MRPL50: variants seen among roughly 807,000 people sequenced by gnomAD.
The protein encoded by MRPL50 is mitochondrial ribosomal protein L50.
MRPL50 carries 10 observed loss-of-function variants against 16.2 expected under a neutral mutation model. The ratio of observed to expected loss-of-function variants is 0.62; its 90% confidence interval spans 0.38 to 1.05. The LOEUF (loss-of-function observed/expected upper bound fraction) is 1.05, where lower values mean the gene tolerates loss of function less well. Among genes scored for constraint, MRPL50 ranks in the 50% least tolerant of loss-of-function variants. The pLI, the probability that MRPL50 is intolerant of heterozygous loss-of-function variation, is 0.01. For missense variants in MRPL50, 213 were observed against 187.1 expected (o/e 1.14, Z -0.81); for synonymous variants, 68 against 66.8 (o/e 1.02, Z -0.09).
rs1250405729 is a variant in MRPL50, at chr9:101,390,503, T to G, written c.440A>C (p.Asn147Thr). 6.2e-7 allele frequency: 1 copy of G among 1,612,142 alleles called. No individual in the cohort carries two copies. The highest frequency in any genetic ancestry group is 2.2e-5 in the East Asian group (1 of 44,866). ...RSKFDELSAS[N>T]LPPNLKITWS... ...AGTGATTTTCAAATTGGGGGGCAGA[T>G]TACTGGCACTGAGTTCATCAAATTT... Residue 147 changes from asparagine (N) to threonine (T), a missense_variant, in exon 2 of 2, where the codon AAT becomes ACT. Asn to Thr is a moderately conservative substitution (Grantham distance 65, BLOSUM62 0). Transcript: ENST00000374865.
chr9:101,392,994 A>G (rs1266260097), intron 1 of MRPL50, among the ~76,000 whole-genome samples: 4 of 152,210 alleles, frequency 2.6e-5, no homozygotes, highest in Non-Finnish European at 4.4e-5. Flanking sequence ...ACACATTAAA[A>G]TGATCATTCA....
chr9:101,396,341 A>G (rs1252831232), intron 1 of MRPL50, among the ~76,000 whole-genome samples: 1 of 152,232 alleles, frequency 6.6e-6, no homozygotes, highest in Non-Finnish European at 1.5e-5. Context: ...TATCTCAAAG[A>G]GACATCTGCA....
chr9:101,396,409 A>C (rs973038229), intron 1 of MRPL50, among the ~76,000 whole-genome samples: 2 of 152,222 alleles, frequency 1.3e-5, no homozygotes, highest in African/African-American at 4.8e-5. Context: ...GTATACACAC[A>C]CATACACAAT....
Position 101,389,411 on chromosome 9 carries a change from C to A in MRPL50, c.*1055G>T. 2.4e-6 allele frequency: 3 copies of A among 1,241,484 alleles called. No homozygotes were observed. The highest frequency in any genetic ancestry group is 3.2e-6 in the Non-Finnish European group (3 of 946,344). The allele number at this position is 1,241,484 out of a possible 1,614,324, so 76.9% of individuals were successfully genotyped here. A position where few individuals can be genotyped will look rare whatever the true frequency, so the allele number is the denominator to read the frequency against. ...ATGATATTTGTAGGGCATGTCTATACTGTTAACTAATTTTCTTCATGAAGA... is the reference window on the plus strand; with the variant it reads ...ATGATATTTGTAGGGCATGTCTATAATGTTAACTAATTTTCTTCATGAAGA... On this transcript the variant is annotated 3_prime_UTR_variant, in exon 2 of 2. Transcript: ENST00000374865.
rs1297040663 is a variant in MRPL50, at chr9:101,388,018, T to C, written c.*2448A>G. 1 of 152,058 alleles carries C rather than the reference T, an allele frequency of 6.6e-6. No individual in the cohort carries two copies. The highest frequency in any genetic ancestry group is 1.5e-5 in the Non-Finnish European group (1 of 67,988). The allele number at this position is 152,058 out of a possible 1,614,324, so 9.4% of individuals were successfully genotyped here. On this transcript the variant is annotated 3_prime_UTR_variant, in exon 2 of 2. Transcript: ENST00000374865. ...CTTCCCTGTTAGGATGTGTTTACCCTCGTCGGCTAAATTTACCAAGACTGT... is the reference window on the plus strand; with the variant it reads ...CTTCCCTGTTAGGATGTGTTTACCCCCGTCGGCTAAATTTACCAAGACTGT...
At chr9:101,394,382 C>A (rs1027720553) in intron 1 of MRPL50, among the ~76,000 whole-genome samples, 8 of 152,188 alleles carry the variant, frequency 5.3e-5, no homozygotes, top group Non-Finnish European at 8.8e-5. Flanking sequence ...AGCCGGTAAT[C>A]TGGCTCAATC....
chr9:101,390,399 G>T lies in MRPL50; in HGVS notation c.*67C>A. Reference sequence around the variant, plus strand: ...TATTTCACATGGTAAAGTATCAAAAGATCTAATGAGCAGCCCCCTTGCTCA... The same window carrying T: ...TATTTCACATGGTAAAGTATCAAAATATCTAATGAGCAGCCCCCTTGCTCA... On this transcript the variant is annotated 3_prime_UTR_variant, in exon 2 of 2. Transcript: ENST00000374865. The T allele has an allele frequency of 1.3e-6, 2 of 1,537,190 alleles. No homozygotes were observed. The highest frequency in any genetic ancestry group is 2.1e-5 in the Admixed American group (1 of 47,952).
At chr9:101,392,896 A>C (rs1165473679) in intron 1 of MRPL50, among the ~76,000 whole-genome samples, 1 of 152,090 alleles carries the variant, frequency 6.6e-6, no homozygotes, top group African/African-American at 2.4e-5. Flanking sequence ...GACAAAGACA[A>C]AATAAAAAAG....
At position 101,390,491 on chromosome 9, in the gene MRPL50, T is replaced by G; in HGVS notation, c.452A>C (p.Asn151Thr). 1 of 1,611,170 alleles carries G rather than the reference T, an allele frequency of 6.2e-7. No homozygotes were observed. The highest frequency in any genetic ancestry group is 1.1e-5 in the South Asian group (1 of 90,504). The change falls in exon 2 of 2, where the codon AAT becomes ACT. Residue 151 changes from asparagine (N) to threonine (T), a missense_variant. Asn to Thr is a moderately conservative substitution (Grantham distance 65). Coordinates refer to ENST00000374865, the MANE Select transcript of MRPL50 (RefSeq NM_019051.3). The part of the protein sequence containing the change: ...DELSASNLPP[N>T]LKITWSY ...TTAGTAACTCCAAGTGATTTTCAAA[T>G]TGGGGGGCAGATTACTGGCACTGAG...
At chr9:101,394,067 T>C (rs754757101) in intron 1 of MRPL50, among the ~76,000 whole-genome samples, 10 of 151,424 alleles carry the variant, frequency 6.6e-5, no homozygotes, top group Non-Finnish European at 1.3e-4. Context: ...TCCTTGTTCA[T>C]TCCTGGGCAT....
Position 101,398,555 on chromosome 9 carries a change from A to T in MRPL50, c.38T>A (p.Val13Asp). The change falls in exon 1 of 2, where the codon GTC (valine) becomes GAC (aspartate). Residue 13 changes from valine (V) to aspartate (D), a missense_variant. By Grantham distance (152) the Val-to-Asp change is radical. Transcript: ENST00000374865. ...ARSVSGITRR[V>D]FMWTVSGTPC... ...TGTCCCTGAGACTGTCCACATGAAG[A>T]CTCTTCTGGTAATGCCCGACACAGA... 6.2e-7 allele frequency: 1 copy of T among 1,613,562 alleles called. No individual in the cohort carries two copies. Among genetic ancestry groups the T allele is most frequent in the Non-Finnish European group, 8.5e-7 (1 of 1,179,930 alleles).
chr9:101,396,431 A>T (rs1830341048), intron 1 of MRPL50, among the ~76,000 whole-genome samples: 1 of 152,202 alleles, frequency 6.6e-6, no homozygotes, highest in Non-Finnish European at 1.5e-5. Context: ...TTTAAGGCTG[A>T]ATAAAATGCC....
chr9:101,390,320 A>G lies in MRPL50; in HGVS notation c.*146T>C. Reference sequence around the variant, plus strand: ...TGTCCATTTGTAATATGAGAAAAAAAAAGATGATACATTCCTCTACAGAAA... The same window carrying G: ...TGTCCATTTGTAATATGAGAAAAAAGAAGATGATACATTCCTCTACAGAAA... On this transcript the variant is annotated 3_prime_UTR_variant, in exon 2 of 2. Transcript: ENST00000374865. The G allele has an allele frequency of 2.2e-6, 3 of 1,351,662 alleles. No individual in the cohort carries two copies. The South Asian group carries it at 6.8e-5, about 31-fold the overall frequency. 83.7% of individuals were successfully genotyped at this position (1,351,662 alleles called of 1,614,324 possible). A position where few individuals can be genotyped will look rare whatever the true frequency, so the allele number is the denominator to read the frequency against.
At chr9:101,396,933 TCC>T (rs1830351486) in intron 1 of MRPL50, among the ~76,000 whole-genome samples, 1 of 151,840 alleles carries the variant, frequency 6.6e-6, no homozygotes, top group African/African-American at 2.4e-5. Context: ...AGAGTGAGAC[TCC>T]ATCTCCAACA....
intron 1 of MRPL50, among the ~76,000 whole-genome samples, chr9:101,393,456 T>C (rs1402765512): frequency 6.6e-6 from 1 of 152,088 alleles, no homozygotes; most frequent in African/African-American, 2.4e-5. Context: ...ATCTTACGTA[T>C]CATACGTAAG....
chr9:101,393,586 A>C (rs1324517470), intron 1 of MRPL50, among the ~76,000 whole-genome samples: 1 of 152,166 alleles, frequency 6.6e-6, no homozygotes, highest in African/African-American at 2.4e-5. Context: ...TTATAAATTC[A>C]GTAAAGTTTC....
At chr9:101,393,222 T>C (rs896966991) in intron 1 of MRPL50, among the ~76,000 whole-genome samples, 1 of 152,078 alleles carries the variant, frequency 6.6e-6, no homozygotes, top group Non-Finnish European at 1.5e-5. Context: ...ATAAAGGTCA[T>C]GCATGACAAA....
Position 101,390,358 on chromosome 9 carries a change from A to G in MRPL50, c.*108T>C, listed in dbSNP as rs753780258. The G allele has an allele frequency of 6.9e-7, 1 of 1,457,454 alleles. No homozygotes were observed. The highest frequency in any genetic ancestry group is 9.1e-7 in the Non-Finnish European group (1 of 1,104,588). 90.3% of individuals were successfully genotyped at this position (1,457,454 alleles called of 1,614,324 possible). A position where few individuals can be genotyped will look rare whatever the true frequency, so the allele number is the denominator to read the frequency against. On this transcript the variant is annotated 3_prime_UTR_variant, in exon 2 of 2. Transcript: ENST00000374865. ...TCCTCTACAGAAAAAGTGGGTTTAG[A>G]GAACAGTTCTGGTAGTATTTCACAT...
chr9:101,392,127 A>C (rs1830281397), intron 1 of MRPL50, among the ~76,000 whole-genome samples: 1 of 152,122 alleles, frequency 6.6e-6, no homozygotes, highest in African/African-American at 2.4e-5. Flanking sequence ...ATAAAAATGA[A>C]AACACAACAC....
Sources: gnomAD v4.1 joint callset for allele counts (sites outside exome capture counted in the v4.1 genomes callset) on GRCh38, gnomAD v4.1.1 for gene constraint, MANE v1.5 for transcripts, NCBI Gene and HGNC (gene_info 2026-07-23, HGNC 2026-07-21) for gene names.